Variants in CPVL observed in about 807,000 individuals in gnomAD.
The protein encoded by CPVL is probable serine carboxypeptidase CPVL.
A neutral mutation model predicts 63.7 loss-of-function variants in CPVL; 51 were observed. The observed-to-expected ratio is 0.80, with a 90% CI of 0.64 to 1.01. CPVL has a LOEUF of 1.01. Ranked by LOEUF, CPVL falls within the 50% of genes least tolerant of loss-of-function variation. CPVL has a pLI of 0.00. For missense variants in CPVL, 530 were observed against 573.1 expected (o/e 0.92, Z 0.77); for synonymous variants, 195 against 206.0 (o/e 0.95, Z 0.46).
chr7:29,150,567 T>A (rs1793452701), upstream of CPVL, among the ~76,000 whole-genome samples: 1 of 152,204 alleles, frequency 6.6e-6, no homozygotes, highest in African/African-American at 2.4e-5. Context: ...CATTTACACA[T>A]CTTGATCAGG....
chr7:29,099,855 C>T (rs1786911855), intron 3 of CPVL, among the ~76,000 whole-genome samples: 1 of 152,194 alleles, frequency 6.6e-6, no homozygotes, highest in African/African-American at 2.4e-5. Context: ...GCTGTGCCAT[C>T]CTGGCCCTCA....
At chr7:29,127,994 T>C (rs1790219773) in intron 1 of CPVL, 1 of 151,990 alleles carries the variant, frequency 6.6e-6, no homozygotes, top group Non-Finnish European at 1.5e-5. Flanking sequence ...CTTTTTTTTT[T>C]TTCTTTTTAT....
chr7:29,174,337 A>G (rs1796987341), intron 5 of CPVL, among the ~76,000 whole-genome samples: 1 of 152,194 alleles, frequency 6.6e-6, no homozygotes. Flanking sequence ...TTCTGGGGAA[A>G]GGACAGAAGC....
At chr7:29,021,702 T>C (rs756711597) in intron 12 of CPVL, among the ~76,000 whole-genome samples, 9 of 151,880 alleles carry the variant, frequency 5.9e-5, no homozygotes, top group Non-Finnish European at 1.3e-4. Flanking sequence ...CTGGAGTCCA[T>C]GTAATGACAT....
intron 2 of CPVL, among the ~76,000 whole-genome samples, chr7:29,115,589 T>C (rs2128634304): frequency 6.6e-6 from 1 of 152,110 alleles, no homozygotes; most frequent in Middle Eastern, 3.4e-3. Context: ...GAAATATTTT[T>C]AGCAAAACTA....
rs533940453 is a variant in CPVL at position 29,019,044 on chromosome 7, G to C, written c.1320+11533C>G. 1.5e-3 allele frequency among the ~76,000 whole-genome samples: 214 copies of C among 144,202 alleles called. 1 individual carries two copies. Among genetic ancestry groups the C allele is most frequent in the Non-Finnish European group, 2.1e-3 (136 of 65,914 alleles). 94.6% of individuals were successfully genotyped at this position (144,202 alleles called of 152,430 possible). On this transcript the variant is annotated intron_variant, in intron 12 of 12. Transcript: ENST00000265394. The stretch of plus-strand genomic sequence containing the variant: ...GATAGGTATATGGTATATAGAGATA[G>C]GTATAAATATATATATATATATATT...
chr7:29,124,031 T>C (rs77753934), intron 1 of CPVL, among the ~76,000 whole-genome samples: 3,311 of 152,270 alleles, frequency 0.022, 131 homozygotes, highest in African/African-American at 0.076. Context: ...AGCACCGACA[T>C]ACTTCATTTT....
intron 6 of CPVL, among the ~76,000 whole-genome samples, chr7:29,092,180 CTTT>C (rs3042208): frequency 4.4e-5 from 6 of 137,544 alleles, no homozygotes; most frequent in Admixed American, 7.4e-5. Context: ...TACATTTTTC[CTTT>C]TTTTTTTTTT....
intron 11 of CPVL, among the ~76,000 whole-genome samples, chr7:29,035,371 A>G (rs1284656498): frequency 6.6e-6 from 1 of 152,242 alleles, no homozygotes; most frequent in East Asian, 1.9e-4. Context: ...ACCAACAAGC[A>G]TTTATTGACT....
intron 1 of CPVL, among the ~76,000 whole-genome samples, chr7:29,123,866 C>G (rs1195636160): frequency 6.6e-6 from 1 of 151,104 alleles, no homozygotes; most frequent in East Asian, 1.9e-4. Context: ...GATGTTGACT[C>G]AAAGATGTTA....
intron 4 of CPVL, 54 bp downstream of exon 4, chr7:29,096,049 G>A (rs905155865): frequency 3.7e-6 from 5 of 1,359,108 alleles, no homozygotes; most frequent in East Asian, 2.3e-5. Flanking sequence ...TTTGGAGCAG[G>A]TATGAGGCTC....
chr7:29,183,081 CTTTTTTTTTTT>C (rs34942216), intron 4 of CPVL, among the ~76,000 whole-genome samples: 13 of 131,906 alleles, frequency 9.9e-5, no homozygotes, highest in African/African-American at 3.7e-4. Flanking sequence ...ACATGGCAGA[CTTTTTTTTTTT>C]TTTTTTTTTG....
chr7:29,147,855 C>A (rs994136206), upstream of CPVL, among the ~76,000 whole-genome samples: 1 of 152,216 alleles, frequency 6.6e-6, no homozygotes, highest in African/African-American at 2.4e-5. Flanking sequence ...GTTCTACCTT[C>A]CTACCTAGAC....
intron 1 of CPVL, chr7:29,194,334 C>G (rs1436433760): frequency 6.6e-6 from 1 of 152,284 alleles, no homozygotes; most frequent in African/African-American, 2.4e-5. Context: ...CAGTCCGCAG[C>G]CTCCCCCTCC....
chr7:29,060,489 C>T (rs151023556), intron 11 of CPVL, among the ~76,000 whole-genome samples: 1 of 152,342 alleles, frequency 6.6e-6, no homozygotes, highest in Non-Finnish European at 1.5e-5. Flanking sequence ...AATAGCCCAA[C>T]AGATTGTTTC....
Position 29,103,179 on chromosome 7 carries a change from CTGGG to C in CPVL, c.289-6966_289-6963del, listed in dbSNP as rs1272508278. Among the ~76,000 whole-genome samples, 28 of 6,558 alleles carry C rather than the reference CTGGG, an allele frequency of 4.3e-3. 2 individuals carry two copies. Among genetic ancestry groups the C allele is most frequent in the Admixed American group, 6.6e-3 (2 of 302 alleles). 4.3% of individuals were successfully genotyped at this position (6,558 alleles called of 152,430 possible). On this transcript the variant is annotated intron_variant, in intron 3 of 12. Transcript: ENST00000265394. ...ATCACTGAAACAGTAAGTTAATATA[CTGGG>C]GGGGGGGGGGGGGTGCTAAAAACTT...
intron 12 of CPVL, among the ~76,000 whole-genome samples, chr7:29,008,186 A>G (rs1785398113): frequency 6.6e-6 from 1 of 152,184 alleles, no homozygotes; most frequent in Non-Finnish European, 1.5e-5. Context: ...TTGGGGGATG[A>G]TATGGTATTT....
chr7:29,078,066 G>A (rs1784388588), intron 7 of CPVL, among the ~76,000 whole-genome samples: 1 of 152,036 alleles, frequency 6.6e-6, no homozygotes. Flanking sequence ...GACATTTCCA[G>A]ACCATGCGTC....
chr7:29,094,795 C>T (rs1490862118), intron 5 of CPVL, among the ~76,000 whole-genome samples: 1 of 150,634 alleles, frequency 6.6e-6, no homozygotes, highest in African/African-American at 2.4e-5. Context: ...ACCGGGGAGG[C>T]GGAGGTTGCA....
Sources: allele counts gnomAD v4.1 joint callset (sites outside exome capture counted in the v4.1 genomes callset), GRCh38; gene constraint gnomAD v4.1.1; transcripts MANE v1.5; gene names NCBI Gene and HGNC (gene_info 2026-07-23, HGNC 2026-07-21).